PCDHGB6: variants seen among roughly 807,000 people sequenced by gnomAD.
The protein encoded by PCDHGB6 is protocadherin gamma-B6.
A neutral mutation model predicts 59.1 loss-of-function variants in PCDHGB6; 51 were observed. That is an observed-to-expected ratio of 0.86 (90% CI 0.69 to 1.09). The LOEUF (loss-of-function observed/expected upper bound fraction) is 1.09, where lower values mean the gene tolerates loss of function less well. PCDHGB6 is among the 50% of genes least tolerant of loss of function. The probability of loss-of-function intolerance (pLI) is 0.00; values close to 1 mark genes in which losing one functional copy is unlikely to be tolerated. For missense variants in PCDHGB6, 1,148 were observed against 1,205.1 expected, an observed-to-expected ratio of 0.95 and a Z score of 0.70; for synonymous variants, 466 against 495.1, an observed-to-expected ratio of 0.94 and a Z score of 0.78.
At chr5:141,428,186 CCGCTCTCTGCGCCGCTA>C (rs1167279209) in intron 1 of PCDHGB6, 1 of 1,460,956 alleles carries the variant, frequency 6.8e-7, no homozygotes, top group Admixed American at 1.8e-5. Context: ...AGGACAGCCG[CCGCTCTCTGCGCCGCTA>C]CGCTTCACCT....
In PCDHGB6 at chr5:141,485,470, T is replaced by C; in HGVS notation, c.2419-9337T>C. ...ACCGAGAGGCACTGTGTGGGCTCAG[T>C]GCCAGCTGCATCGTGCCCCTGGAGT... On this transcript the variant is annotated intron_variant, in intron 1 of 3. Coordinates refer to ENST00000520790, the MANE Select transcript of PCDHGB6 (RefSeq NM_018926.3). This position sits in a 1 kb window ranked among gnomAD's most constrained non-coding sequence, Gnocchi z 5.7. 1.9e-6 allele frequency: 3 copies of C among 1,614,110 alleles called. No individual in the cohort carries two copies. The highest frequency in any genetic ancestry group is 2.5e-6 in the Non-Finnish European group (3 of 1,180,002).
At chr5:141,422,997 C>A in intron 1 of PCDHGB6, 3 of 1,614,218 alleles carry the variant, frequency 1.9e-6, no homozygotes, top group Non-Finnish European at 2.5e-6. Flanking sequence ...ACCTGGTGAC[C>A]AAGGTGGTTG....
At chr5:141,418,029 G>A (rs775326655) in intron 1 of PCDHGB6, 1 of 1,614,022 alleles carries the variant, frequency 6.2e-7, no homozygotes, top group Non-Finnish European at 8.5e-7. Context: ...CTAGGGCTTA[G>A]TGTCCTGGAT....
chr5:141,422,165 A>G (rs771382434), intron 1 of PCDHGB6: 3 of 1,569,306 alleles, frequency 1.9e-6, no homozygotes, highest in Admixed American at 4.0e-5. Flanking sequence ...TTTGAAAAAT[A>G]TAGATTCTAT....
chr5:141,426,418 T>C (rs1445827088), intron 1 of PCDHGB6: 2 of 288,504 alleles, frequency 6.9e-6, no homozygotes, highest in Non-Finnish European at 1.4e-5. Flanking sequence ...GGTCCAGGGC[T>C]CCGTGGTGGG....
intron 1 of PCDHGB6, among the ~76,000 whole-genome samples, chr5:141,430,013 G>T (rs2097256191): frequency 6.6e-6 from 1 of 151,922 alleles, no homozygotes; most frequent in South Asian, 2.1e-4. Context: ...TTTTCACTTG[G>T]GTTCTTGTTA....
intron 1 of PCDHGB6, chr5:141,419,517 G>A: frequency 6.2e-7 from 1 of 1,612,224 alleles, no homozygotes; most frequent in South Asian, 1.1e-5. Context: ...GTGTTGGTGG[G>A]CGACCGTAAC....
chr5:141,452,652 C>T (rs1420422511), intron 1 of PCDHGB6, among the ~76,000 whole-genome samples: 1 of 151,916 alleles, frequency 6.6e-6, no homozygotes. Flanking sequence ...TCATTTGCTC[C>T]ATCCACTGCA....
Position 141,431,520 on chromosome 5 carries a change from A to T in PCDHGB6, c.2418+20900A>T. ...GAGTACCGCGCGAGCGTTCCGGAGA[A>T]TCTGGCCTTGGGCACGCAGCTGCTT... On this transcript the variant is annotated intron_variant, in intron 1 of 3. Transcript: ENST00000520790. The surrounding 1 kb of genome is among the most constrained non-coding windows in gnomAD (Gnocchi z 4.8). 6.2e-7 allele frequency: 1 copy of T among 1,614,068 alleles called. No homozygotes were observed. Among genetic ancestry groups the T allele is most frequent in the Non-Finnish European group, 8.5e-7 (1 of 1,180,020 alleles).
In PCDHGB6 at chr5:141,491,770, G is replaced by A; in HGVS notation, c.2419-3037G>A. 6.4e-7 allele frequency: 1 copy of A among 1,560,888 alleles called. No individual in the cohort carries two copies. Among genetic ancestry groups the A allele is most frequent in the Non-Finnish European group, 8.7e-7 (1 of 1,154,942 alleles). On this transcript the variant is annotated intron_variant, in intron 1 of 3. Coordinates refer to ENST00000520790, the MANE Select transcript of PCDHGB6 (RefSeq NM_018926.3). This position sits in a 1 kb window ranked among gnomAD's most constrained non-coding sequence, Gnocchi z 6.9. ...TGGAGAAGCCGCCCGTCCTCATAAG[G>A]GATTGAACTTGCATCCACTCCTCTC...
chr5:141,421,118 T>C (rs572827470), intron 1 of PCDHGB6: 2 of 771,948 alleles, frequency 2.6e-6, no homozygotes, highest in Non-Finnish European at 2.0e-6. Context: ...GTATTTTCCT[T>C]CGCTTTCTGA....
intron 1 of PCDHGB6, chr5:141,428,180 C>G (rs780780274): frequency 1.3e-6 from 2 of 1,486,274 alleles, no homozygotes; most frequent in East Asian, 2.3e-5. Flanking sequence ...TGACGGAGGA[C>G]AGCCGCCGCT....
chr5:141,495,041 G>A, intron 2 of PCDHGB6, 176 bp downstream of exon 2: 1 of 942,350 alleles, frequency 1.1e-6, no homozygotes, highest in Non-Finnish European at 1.3e-6. Flanking sequence ...AGGAAGAGGC[G>A]ACTGCCCTGA....
intron 1 of PCDHGB6, chr5:141,415,388 G>T: frequency 6.2e-7 from 1 of 1,614,236 alleles, no homozygotes; most frequent in Non-Finnish European, 8.5e-7. Context: ...GGCTTGACAG[G>T]TGTGTCCGGC....
Position 141,486,552 on chromosome 5 carries a change from A to G in PCDHGB6, c.2419-8255A>G. On this transcript the variant is annotated intron_variant, in intron 1 of 3. Coordinates refer to ENST00000520790, the MANE Select transcript of PCDHGB6 (RefSeq NM_018926.3). This position sits in a 1 kb window ranked among gnomAD's most constrained non-coding sequence, Gnocchi z 5.0. ...CCACCCTCTTTCTTTCAGAGGTCAC[A>G]TGAGGTGTTTGTTCCTGAGAACAAT... is the stretch of plus-strand genomic sequence containing the variant. 1 of 1,614,136 alleles carries G rather than the reference A, an allele frequency of 6.2e-7. No homozygotes were observed. The highest frequency in any genetic ancestry group is 2.2e-5 in the East Asian group (1 of 44,882).
At chr5:141,424,832 A>G (rs2096843522) in intron 1 of PCDHGB6, among the ~76,000 whole-genome samples, 1 of 152,174 alleles carries the variant, frequency 6.6e-6, no homozygotes. Context: ...TGCCTGACAT[A>G]CATGTTATCT....
At chr5:141,494,937 G>A (rs759078748) in intron 2 of PCDHGB6, 72 bp downstream of exon 2, 130 of 1,612,276 alleles carry the variant, frequency 8.1e-5, no homozygotes, top group Non-Finnish European at 1.1e-4. Context: ...GAGGAGATGG[G>A]GGAGGGCCCA....
In PCDHGB6 at chr5:141,511,925, G is replaced by C. The variant is rs2099884008; in HGVS notation, c.*752G>C. 1 of 155,320 alleles carries C rather than the reference G, an allele frequency of 6.4e-6. No homozygotes were observed. Among genetic ancestry groups the C allele is most frequent in the Admixed American group, 6.3e-5 (1 of 15,924 alleles). 9.6% of individuals were successfully genotyped at this position (155,320 alleles called of 1,614,324 possible). A position where few individuals can be genotyped will look rare whatever the true frequency, so the allele number is the denominator to read the frequency against. ...CCTCAAACAAGAGACTCCACTGCAT[G>C]TTCCAAGACAGTATGGGGTGGTAAG... On this transcript the variant is annotated 3_prime_UTR_variant, in exon 4 of 4. Coordinates refer to ENST00000520790, the MANE Select transcript of PCDHGB6 (RefSeq NM_018926.3).
In PCDHGB6 at chr5:141,417,855, G is replaced by T. The variant is rs1436078486; in HGVS notation, c.2418+7235G>T. The T allele has an allele frequency of 2.6e-6, 4 of 1,544,916 alleles. No individual in the cohort carries two copies. In the Admixed American group the frequency reaches 8.0e-5, roughly 31 times the overall value. ...GCGGGGACCCAGCGAGAACCCGAGC[G>T]AACGATGGGAGGGAGCTGCGCGCAG... On this transcript the variant is annotated intron_variant, in intron 1 of 3. Transcript: ENST00000520790.
Sources: allele counts gnomAD v4.1 joint callset (sites outside exome capture counted in the v4.1 genomes callset), GRCh38; gene constraint gnomAD v4.1.1; non-coding constraint Gnocchi (gnomAD v3.1); transcripts MANE v1.5; gene names NCBI Gene and HGNC (gene_info 2026-07-23, HGNC 2026-07-21).